Variants in MACF1 observed in about 807,000 individuals in gnomAD.
MACF1 encodes the protein microtubule-actin cross-linking factor 1.
Under a neutral mutation model 854.8 loss-of-function variants are expected in MACF1, and 193 were observed. The observed-to-expected ratio is 0.23, with a 90% confidence interval of 0.20 to 0.25. The LOEUF (loss-of-function observed/expected upper bound fraction) is 0.25. Among genes scored for constraint, MACF1 ranks in the 10% least tolerant of loss-of-function variants. The pLI, the probability that MACF1 is intolerant of heterozygous loss-of-function variation, is 1.00. For synonymous variants in MACF1, 3,185 were observed against 3,226.7 expected (o/e 0.99, Z 0.44); for missense variants, 7,722 against 8,929.1 (o/e 0.86, Z 5.45).
chr1:39,318,636 G>A, intron 30 of MACF1, 21 bp downstream of exon 30: 2 of 1,553,914 alleles, frequency 1.3e-6, no homozygotes, highest in Non-Finnish European at 8.7e-7. Context: ...TAGTAGCTCT[G>A]GCGAGAAGAG....
intron 58 of MACF1, among the ~76,000 whole-genome samples, chr1:39,394,318 A>G (rs1038572772): frequency 3.9e-5 from 6 of 152,238 alleles, no homozygotes; most frequent in African/African-American, 1.4e-4. Context: ...CTTCATGTGC[A>G]CATGAGAAAA....
chr1:39,402,975 C>T (rs74066776), intron 58 of MACF1, among the ~76,000 whole-genome samples: 2,515 of 152,092 alleles, frequency 0.017, 73 homozygotes, highest in African/African-American at 0.055. Context: ...CTGCACTCAA[C>T]CTCTGAGATG....
rs1571303667 is a variant in MACF1 at position 39,304,378 on chromosome 1, T to C, written c.2789+1300T>C. 35 of 948,164 alleles carry C rather than the reference T, an allele frequency of 3.7e-5. No homozygotes were observed. In the East Asian group the frequency reaches 9.2e-4, roughly 25 times the overall value. 58.7% of individuals were successfully genotyped at this position (948,164 alleles called of 1,614,324 possible). On this transcript the variant is annotated intron_variant, in intron 23 of 100. Coordinates refer to ENST00000564288, the MANE Select transcript of MACF1 (RefSeq NM_001394062.1). ...CTAGAACTACTTTGGTGCCTCCATATTGTGGGAGAAGAACTTTATCTCCAA... is the reference window on the plus strand; with the variant it reads ...CTAGAACTACTTTGGTGCCTCCATACTGTGGGAGAAGAACTTTATCTCCAA...
At chr1:39,445,256 A>C (rs891339418) in intron 80 of MACF1, among the ~76,000 whole-genome samples, 1 of 152,230 alleles carries the variant, frequency 6.6e-6, no homozygotes, top group East Asian at 1.9e-4. Flanking sequence ...TCAGGAGAGA[A>C]GTAAATTATA....
intron 3 of MACF1, among the ~76,000 whole-genome samples, chr1:39,251,225 T>C (rs1278403463): frequency 2.0e-5 from 3 of 152,164 alleles, no homozygotes; most frequent in Non-Finnish European, 4.4e-5. Flanking sequence ...TGGCCTAAAA[T>C]TGACAGAAGC....
intron 95 of MACF1, chr1:39,467,722 A>G (rs911693349): frequency 1.3e-5 from 2 of 152,218 alleles, no homozygotes; most frequent in African/African-American, 4.8e-5. Context: ...AATATGACCT[A>G]ATCATTTGTT....
At chr1:39,180,693 A>G (rs1476134110) in intron 2 of MACF1, among the ~76,000 whole-genome samples, 2 of 152,176 alleles carry the variant, frequency 1.3e-5, no homozygotes, top group African/African-American at 4.8e-5. Context: ...TGATAGAGAA[A>G]TGGATTATGA....
chr1:39,136,928 G>A (rs1643187641), intron 2 of MACF1, among the ~76,000 whole-genome samples: 1 of 152,112 alleles, frequency 6.6e-6, no homozygotes, highest in Non-Finnish European at 1.5e-5. Context: ...TTTCTTGGAA[G>A]TTCATGTTTT....
chr1:39,469,725 T>C (rs956378430), intron 97 of MACF1, 110 bp downstream of exon 97: 1 of 857,248 alleles, frequency 1.2e-6, no homozygotes, highest in Admixed American at 2.1e-5. Flanking sequence ...CATTCATGAA[T>C]GCTTGAAATG....
chr1:39,441,251 A>G lies in MACF1; in HGVS notation c.18598A>G (p.Lys6200Glu). Reference sequence around the variant, plus strand: ...GAATAATGCTTGGGAGAACTTAAACAAAACATGGAAAGAGAGGCTAGAAAA... The same window carrying G: ...GAATAATGCTTGGGAGAACTTAAACGAAACATGGAAAGAGAGGCTAGAAAA... ...EMNNAWENLN[K>E]TWKERLEKLE... is the part of the protein sequence containing the mutation. Residue 6200 changes from lysine to glutamate, a missense_variant, in exon 74 of 101, where the codon AAA (lysine) becomes GAA (glutamate). Lys to Glu is a moderately conservative substitution (Grantham distance 56). Coordinates refer to ENST00000564288, the MANE Select transcript of MACF1 (RefSeq NM_001394062.1). 1 of 1,614,224 alleles carries G rather than the reference A, an allele frequency of 6.2e-7. No individual in the cohort carries two copies. Among genetic ancestry groups the G allele is most frequent in the Non-Finnish European group, 8.5e-7 (1 of 1,180,018 alleles).
Position 39,300,228 on chromosome 1 carries a change from A to G in MACF1, c.2500A>G (p.Ile834Val). 1 of 1,614,008 alleles carries G rather than the reference A, an allele frequency of 6.2e-7. No individual in the cohort carries two copies. The highest frequency in any genetic ancestry group is 8.5e-7 in the Non-Finnish European group (1 of 1,180,002). ...TTTGTAGGATGAAAAGGAGCAGCTT[A>G]TACAGTCCAAGAGTTCCGTTGCCAG... Reference protein sequence around the residue: ...QDSMDEKEQLIQSKSSVASLV... With the variant: ...QDSMDEKEQLVQSKSSVASLV... Residue 834 changes from isoleucine to valine, a missense_variant, in exon 22 of 101, where the codon ATA (isoleucine) becomes GTA (valine). Transcript: ENST00000564288.
intron 2 of MACF1, among the ~76,000 whole-genome samples, chr1:39,150,077 G>A (rs979956457): frequency 6.0e-5 from 9 of 150,780 alleles, no homozygotes; most frequent in African/African-American, 2.0e-4. Context: ...AGGCTGAAGT[G>A]CAGTGGTGCA....
chr1:39,264,328 T>C (rs1035874662), intron 6 of MACF1, among the ~76,000 whole-genome samples: 7 of 152,216 alleles, frequency 4.6e-5, no homozygotes, highest in African/African-American at 1.7e-4. Flanking sequence ...CTGTATGACT[T>C]ACAGTATTGT....
At chr1:39,421,468 A>G (rs1229526289) in intron 58 of MACF1, among the ~76,000 whole-genome samples, 6 of 152,184 alleles carry the variant, frequency 3.9e-5, no homozygotes, top group Non-Finnish European at 8.8e-5. Context: ...ATTCTGTTTC[A>G]AGATTATTGT....
chr1:39,332,535 C>T lies in MACF1; in HGVS notation c.5947C>T (p.Leu1983=). Residue 1983 remains leucine, a synonymous_variant, in exon 37 of 101, where the codon CTG becomes TTG. Transcript: ENST00000564288. ...TGTGCAAAATGGACAGAGGCTGCTT[C>T]TGTTAGATAAAGAGCTGATGGAGAC... The part of the protein sequence containing the change: ...INVQNGQRLL[L]LDKELMETLT... 6.2e-7 allele frequency: 1 copy of T among 1,614,122 alleles called. No individual in the cohort carries two copies. Among genetic ancestry groups the T allele is most frequent in the South Asian group, 1.1e-5 (1 of 91,088 alleles).
rs1646727662 is a variant in MACF1 at position 39,331,637 on chromosome 1, A to C, written c.5049A>C (p.Ala1683=). 6.2e-7 allele frequency: 1 copy of C among 1,614,076 alleles called. No individual in the cohort carries two copies. The highest frequency in any genetic ancestry group is 1.3e-5 in the African/African-American group (1 of 74,922). Residue 1683 remains alanine, a synonymous_variant, in exon 37 of 101, where the codon GCA becomes GCC. Transcript: ENST00000564288. ...CTTTTCATCAAGGCCTCATTTCTGC[A>C]TGGCTTCATTCAGTATTAGAGTCTT... ...EEAFHQGLIS[A]WLHSVLESYL...
intron 80 of MACF1, among the ~76,000 whole-genome samples, chr1:39,446,974 TAAAC>T (rs759181392): frequency 1.3e-5 from 2 of 152,224 alleles, no homozygotes; most frequent in Non-Finnish European, 2.9e-5. Flanking sequence ...AACATGTATT[TAAAC>T]AAAGAGTACT....
intron 1 of MACF1, among the ~76,000 whole-genome samples, chr1:39,209,531 T>A (rs1268258573): frequency 6.6e-6 from 1 of 152,146 alleles, no homozygotes; most frequent in Non-Finnish European, 1.5e-5. Context: ...TCTTTTAAAG[T>A]TCTCTCCGTT....
At chr1:39,293,361 T>G in intron 17 of MACF1, 97 bp from the exon 18 acceptor site, 1 of 1,139,132 alleles carries the variant, frequency 8.8e-7, no homozygotes, top group Non-Finnish European at 1.2e-6. Context: ...AAGAGCAAAT[T>G]AATTTCCTGA....
Sources: gnomAD v4.1 joint callset for allele counts (sites outside exome capture counted in the v4.1 genomes callset) on GRCh38, gnomAD v4.1.1 for gene constraint, MANE v1.5 for transcripts, NCBI Gene and HGNC (gene_info 2026-07-23, HGNC 2026-07-21) for gene names.